The following ESRRB variants were observed in gnomAD, a reference collection of about 807,000 sequenced individuals.
ESRRB encodes the protein steroid hormone receptor ERR2.
Under a neutral mutation model 46.0 loss-of-function variants are expected in ESRRB, and 16 were observed. The observed-to-expected ratio is 0.35, with a 90% confidence interval of 0.24 to 0.53. The LOEUF (loss-of-function observed/expected upper bound fraction) is 0.53. Ranked by LOEUF, ESRRB falls within the 20% of genes least tolerant of loss-of-function variation. ESRRB has a pLI of 0.93. For synonymous variants in ESRRB, 246 were observed against 259.6 expected (o/e 0.95, Z 0.50); for missense variants, 488 against 607.4 (o/e 0.80, Z 2.07).
At chr14:76,479,264 T>TGTGC (rs1889712167) in intron 3 of ESRRB, among the ~76,000 whole-genome samples, 1 of 152,126 alleles carries the variant, frequency 6.6e-6, no homozygotes, top group Non-Finnish European at 1.5e-5. Flanking sequence ...TGTGTGTGTG[T>TGTGC]GCTGATCTGA....
At chr14:76,468,408 C>T (rs958469527) in intron 3 of ESRRB, among the ~76,000 whole-genome samples, 44 of 105,224 alleles carry the variant, frequency 4.2e-4, no homozygotes, top group African/African-American at 1.6e-3. Context: ...CCCAACACCA[C>T]CACCCCCCAA....
intron 3 of ESRRB, among the ~76,000 whole-genome samples, chr14:76,473,211 T>G (rs1165613089): frequency 6.6e-6 from 1 of 152,226 alleles, no homozygotes; most frequent in Non-Finnish European, 1.5e-5. Context: ...ATCATAATCA[T>G]GTATATTCTT....
At chr14:76,369,428 A>C (rs1467668626), upstream of ESRRB, among the ~76,000 whole-genome samples, 1 of 151,386 alleles carries the variant, frequency 6.6e-6, no homozygotes, top group African/African-American at 2.4e-5. Context: ...CACACACCAC[A>C]GTGTGTGGCC....
Position 76,376,470 on chromosome 14 carries a change from GGTCTGTCTGTCCTTCTGCCC to G in ESRRB, c.50+25_50+44del. On this transcript the variant is annotated intron_variant, in intron 1 of 6. Coordinates refer to ENST00000644823, the MANE Select transcript of ESRRB (RefSeq NM_001379180.1). The surrounding 1 kb of genome is among the most constrained non-coding windows in gnomAD (Gnocchi z 4.1). ...ACAACCAGTAGGTGCCCTGCTTCTC[GGTCTGTCTGTCCTTCTGCCC>G]GTCTGGCAGTCTCTGTCCTGGGGAT... 8.1e-7 allele frequency: 1 copy of G among 1,231,096 alleles called. No homozygotes were observed. The highest frequency in any genetic ancestry group is 1.0e-6 in the Non-Finnish European group (1 of 987,432). 76.3% of individuals were successfully genotyped at this position (1,231,096 alleles called of 1,614,324 possible). A position where few individuals can be genotyped will look rare whatever the true frequency, so the allele number is the denominator to read the frequency against.
At chr14:76,487,739 G>C (rs1489519503) in intron 5 of ESRRB, among the ~76,000 whole-genome samples, 1 of 152,104 alleles carries the variant, frequency 6.6e-6, no homozygotes, top group Non-Finnish European at 1.5e-5. Context: ...AAGTAGCAGA[G>C]ATCACAGGCA....
chr14:76,466,154 C>T (rs1889101020), intron 3 of ESRRB, among the ~76,000 whole-genome samples: 1 of 152,142 alleles, frequency 6.6e-6, no homozygotes, highest in Admixed American at 6.5e-5. Flanking sequence ...GCTTTAGGGT[C>T]CCATAGTGGG....
At chr14:76,328,216 G>T (rs1336061482) in intron 1 of ESRRB, among the ~76,000 whole-genome samples, 1 of 152,202 alleles carries the variant, frequency 6.6e-6, no homozygotes, top group African/African-American at 2.4e-5. Flanking sequence ...AGCAAGGAGG[G>T]TCCTCACCTC....
intron 1 of ESRRB, among the ~76,000 whole-genome samples, chr14:76,344,605 C>G (rs1202666396): frequency 6.6e-6 from 1 of 152,176 alleles, no homozygotes; most frequent in Admixed American, 6.5e-5. Context: ...AATCCCAGCA[C>G]TTTGGGAGGC....
intron 1 of ESRRB, among the ~76,000 whole-genome samples, chr14:76,434,466 C>T (rs768880094): frequency 3.3e-5 from 5 of 152,012 alleles, no homozygotes; most frequent in Non-Finnish European, 5.9e-5. Flanking sequence ...GTCTGGCTAG[C>T]ATAGCGAACC....
intron 1 of ESRRB, among the ~76,000 whole-genome samples, chr14:76,388,800 C>T (rs1006721256): frequency 6.6e-6 from 1 of 152,314 alleles, no homozygotes; most frequent in African/African-American, 2.4e-5. Context: ...TAGAGTCTAT[C>T]ATAAACATAT....
intron 1 of ESRRB, among the ~76,000 whole-genome samples, chr14:76,391,004 C>T (rs1595072489): frequency 2.0e-5 from 3 of 152,218 alleles, no homozygotes; most frequent in Non-Finnish European, 2.9e-5. Context: ...GAGGAGGCAG[C>T]TGCCCTCTCT....
chr14:76,491,724 C>T lies in ESRRB; in HGVS notation c.1120+8C>T, dbSNP rs373429794. On this transcript the variant is annotated splice_region_variant and intron_variant, in intron 6 of 6. Coordinates refer to ENST00000644823, the MANE Select transcript of ESRRB (RefSeq NM_001379180.1). ...TGGCCCTCGCCAACTCCGGTAAGGG[C>T]GGCGGCGGGGCCTGGAAGGGGAGCT... The T allele has an allele frequency of 3.9e-3, 6,049 of 1,568,782 alleles. 19 individuals carry two copies. Among genetic ancestry groups the T allele is most frequent in the Non-Finnish European group, 4.9e-3 (5,719 of 1,157,640 alleles).
At chr14:76,457,543 A>C (rs1383230858) in intron 2 of ESRRB, among the ~76,000 whole-genome samples, 1 of 152,086 alleles carries the variant, frequency 6.6e-6, no homozygotes, top group Non-Finnish European at 1.5e-5. Context: ...GGGAAGCCAA[A>C]AGATTGGACA....
rs962583025 is a variant in ESRRB, at chr14:76,347,541, C to T, written c.2+36625C>T. On this transcript the variant is annotated intron_variant, in intron 1 of 6. Coordinates refer to the ESRRB transcript ENST00000512784. ...ACTATTATGGACGCTAAAGCCAGTGCCTGCAACAGTGCATGTCATAGACAC... is the reference window on the plus strand; with the variant it reads ...ACTATTATGGACGCTAAAGCCAGTGTCTGCAACAGTGCATGTCATAGACAC... Among the ~76,000 whole-genome samples the T allele has an allele frequency of 4.5e-5, 3 of 66,522 alleles. 1 individual carries two copies. Among genetic ancestry groups the T allele is most frequent in the Admixed American group, 2.3e-4 (1 of 4,358 alleles). 43.6% of individuals were successfully genotyped at this position (66,522 alleles called of 152,430 possible).
intron 5 of ESRRB, among the ~76,000 whole-genome samples, chr14:76,484,023 T>G (rs1194224029): frequency 6.6e-6 from 1 of 152,050 alleles, no homozygotes; most frequent in Non-Finnish European, 1.5e-5. Context: ...CCAGCTAATT[T>G]TTTTGTATTT....
Position 76,439,612 on chromosome 14 carries a change from T to G in ESRRB, c.322T>G (p.Ser108Ala), listed in dbSNP as rs775448717. The G allele has an allele frequency of 2.0e-5, 33 of 1,614,106 alleles. No homozygotes were observed. In the Admixed American group the frequency reaches 3.5e-4, roughly 17 times the overall value. The change falls in exon 2 of 7, where the codon TCG becomes GCG. Residue 108 changes from serine (S) to alanine (A), a missense_variant. Physicochemically the swap from Ser to Ala is moderately conservative, Grantham distance 99 (BLOSUM62 1). Coordinates refer to ENST00000644823, the MANE Select transcript of ESRRB (RefSeq NM_001379180.1). ...EDCASGIMEDSAIKCEYMLNA... is the reference protein window; with the variant it reads ...EDCASGIMEDAAIKCEYMLNA... The stretch of plus-strand genomic sequence containing the variant: ...CTGTGCCAGCGGCATCATGGAGGAC[T>G]CGGCCATCAAGTGCGAGTACATGCT...
intron 2 of ESRRB, among the ~76,000 whole-genome samples, chr14:76,452,775 A>G (rs1422843907): frequency 1.3e-5 from 2 of 152,196 alleles, no homozygotes; most frequent in African/African-American, 2.4e-5. Context: ...TAGGGGGAAA[A>G]CATAAATACC....
chr14:76,332,813 T>A (rs1471649177), intron 1 of ESRRB, among the ~76,000 whole-genome samples: 1 of 22,116 alleles, frequency 4.5e-5, no homozygotes, highest in Non-Finnish European at 7.8e-5. Context: ...ATTTATATAT[T>A]ATATATTTAT....
chr14:76,318,881 C>T (rs1007725621), intron 1 of ESRRB, among the ~76,000 whole-genome samples: 8 of 152,240 alleles, frequency 5.3e-5, no homozygotes, highest in African/African-American at 1.4e-4. Context: ...TATTGAGTCA[C>T]GGATGGCTGA....
Sources: allele counts gnomAD v4.1 joint callset (sites outside exome capture counted in the v4.1 genomes callset), GRCh38; gene constraint gnomAD v4.1.1; non-coding constraint Gnocchi (gnomAD v3.1); transcripts MANE v1.5; gene names NCBI Gene and HGNC (gene_info 2026-07-23, HGNC 2026-07-21).